POC1A: variants seen among roughly 807,000 people sequenced by gnomAD.
POC1A encodes the protein POC1 centriolar protein A, also known as POC1 centriolar protein homolog A.
Under a neutral mutation model 47.8 loss-of-function variants are expected in POC1A, and 34 were observed. The ratio of observed to expected loss-of-function variants is 0.71; its 90% confidence interval spans 0.54 to 0.95. The LOEUF is 0.95. Among genes scored for constraint, POC1A ranks in the 40% least tolerant of loss-of-function variants. POC1A has a pLI of 0.00. For missense variants in POC1A, 466 were observed against 528.3 expected, an observed-to-expected ratio of 0.88 and a Z score of 1.16; for synonymous variants, 177 against 207.6, an observed-to-expected ratio of 0.85 and a Z score of 1.27.
At chr3:52,116,030 T>TA (rs995397299) in intron 9 of POC1A, among the ~76,000 whole-genome samples, 20 of 152,166 alleles carry the variant, frequency 1.3e-4, no homozygotes, top group Admixed American at 2.6e-4. Context: ...CAAATAATTT[T>TA]AAAAAATCTA....
At position 52,111,652 on chromosome 3, in the gene POC1A, T is replaced by TTA. The variant is rs1367347670; in HGVS notation, c.981+10726_981+10727insTA. 9.9e-3 allele frequency among the ~76,000 whole-genome samples: 938 copies of TTA among 95,200 alleles called. 7 individuals are homozygous for TTA. The highest frequency in any genetic ancestry group is 0.019 in the African/African-American group (532 of 28,072). 62.5% of individuals were successfully genotyped at this position (95,200 alleles called of 152,430 possible). A position where few individuals can be genotyped will look rare whatever the true frequency, so the allele number is the denominator to read the frequency against. On this transcript the variant is annotated intron_variant, in intron 9 of 10. Transcript: ENST00000296484. ...GAATGGCTAGACTCTGTCTCAAAATTAAAAAAAAAAAAAAAAAAAAAAAAG... is the reference window on the plus strand; with the variant it reads ...GAATGGCTAGACTCTGTCTCAAAATTTAAAAAAAAAAAAAAAAAAAAAAAAAG...
intron 5 of POC1A, 47 bp downstream of exon 5, chr3:52,146,939 GCT>G (rs1698383590): frequency 1.4e-6 from 2 of 1,470,996 alleles, no homozygotes; most frequent in Non-Finnish European, 1.9e-6. Context: ...CCAGGTCTGT[GCT>G]CTGTGCTTGA....
At chr3:52,091,319 G>A (rs1483069259) in intron 10 of POC1A, among the ~76,000 whole-genome samples, 3 of 152,198 alleles carry the variant, frequency 2.0e-5, no homozygotes, top group Admixed American at 2.0e-4. Flanking sequence ...AATTCCCATA[G>A]GGGGCTCAAG....
chr3:52,122,065 C>T (rs555802467), intron 9 of POC1A, among the ~76,000 whole-genome samples: 7 of 152,274 alleles, frequency 4.6e-5, no homozygotes, highest in East Asian at 1.9e-4. Context: ...CAGTATGGGA[C>T]GGGTCCCTTG....
intron 9 of POC1A, among the ~76,000 whole-genome samples, chr3:52,098,757 C>T (rs933261164): frequency 6.6e-6 from 1 of 152,226 alleles, no homozygotes; most frequent in Non-Finnish European, 1.5e-5. Flanking sequence ...CAGCACTTAA[C>T]ACTCCACCAG....
At chr3:52,116,178 G>A (rs1289368944) in intron 9 of POC1A, among the ~76,000 whole-genome samples, 2 of 152,114 alleles carry the variant, frequency 1.3e-5, no homozygotes, top group African/African-American at 4.8e-5. Flanking sequence ...AAGCATAAGG[G>A]AAGATCTAGT....
chr3:52,096,522 C>T (rs1244276811), intron 10 of POC1A, 47 bp downstream of exon 10: 4 of 1,476,754 alleles, frequency 2.7e-6, no homozygotes, highest in East Asian at 2.5e-5. Flanking sequence ...AAATGCGGGA[C>T]CAAGTGCAGA....
At chr3:52,094,014 T>A (rs1250530269) in intron 10 of POC1A, among the ~76,000 whole-genome samples, 1 of 152,212 alleles carries the variant, frequency 6.6e-6, no homozygotes, top group Non-Finnish European at 1.5e-5. Flanking sequence ...AAGGATGTTC[T>A]GCAGGATGGA....
chr3:52,094,137 A>G (rs1702730800), intron 10 of POC1A, among the ~76,000 whole-genome samples: 1 of 152,154 alleles, frequency 6.6e-6, no homozygotes, highest in Admixed American at 6.5e-5. Context: ...CACAATTCAC[A>G]TGGATGACTT....
chr3:52,095,371 G>C (rs974349849), intron 10 of POC1A, among the ~76,000 whole-genome samples: 1 of 152,142 alleles, frequency 6.6e-6, no homozygotes, highest in Non-Finnish European at 1.5e-5. Flanking sequence ...GGGCTATGAT[G>C]ACACACCCTG....
rs769973716 is a variant in POC1A, at chr3:52,096,688, G to C, written c.1006C>G (p.Pro336Ala). The C allele has an allele frequency of 8.7e-6, 14 of 1,601,898 alleles. No individual in the cohort carries two copies. In the South Asian group the frequency reaches 1.2e-4, roughly 14 times the overall value. Residue 336 changes from proline (P) to alanine (A), a missense_variant, in exon 10 of 11, where the codon CCA becomes GCA. Coordinates refer to ENST00000296484, the MANE Select transcript of POC1A (RefSeq NM_015426.5). The stretch of plus-strand genomic sequence containing the variant: ...GACTCCACACTCCTGCCTCTGCCTG[G>C]GGGGACAGGGAAGTCCACTTCTGGC... ...NLPEVDFPVP[P>A]GRGRSVESVQ...
chr3:52,096,537 G>T, intron 10 of POC1A, 32 bp downstream of exon 10: 1 of 1,504,922 alleles, frequency 6.6e-7, no homozygotes, highest in Non-Finnish European at 8.9e-7. Flanking sequence ...TGCAGATGAC[G>T]GGATGACGGG....
intron 10 of POC1A, among the ~76,000 whole-genome samples, chr3:52,092,406 G>A (rs1213264843): frequency 6.6e-6 from 1 of 152,220 alleles, no homozygotes; most frequent in Non-Finnish European, 1.5e-5. Context: ...GCCCACAGTG[G>A]TTGAGATCAG....
intron 10 of POC1A, among the ~76,000 whole-genome samples, chr3:52,085,857 T>G (rs1005563188): frequency 6.6e-6 from 1 of 152,222 alleles, no homozygotes; most frequent in East Asian, 1.9e-4. Context: ...TTGCTCTGTC[T>G]GGCTGGGCAC....
At chr3:52,128,486 G>C (rs996844627) in intron 7 of POC1A, among the ~76,000 whole-genome samples, 1 of 152,168 alleles carries the variant, frequency 6.6e-6, no homozygotes, top group Non-Finnish European at 1.5e-5. Flanking sequence ...TTACCAAGAG[G>C]ACCACGCAGC....
At chr3:52,150,079 A>G (rs1470454386) in intron 2 of POC1A, 92 bp from the exon 3 acceptor site, 4 of 1,026,342 alleles carry the variant, frequency 3.9e-6, no homozygotes, top group African/African-American at 1.6e-5. Flanking sequence ...CAACTGGCCC[A>G]GCTCCATCTT....
chr3:52,112,567 C>T lies in POC1A; in HGVS notation c.981+9812G>A, dbSNP rs1208133664. 3.3e-5 allele frequency among the ~76,000 whole-genome samples: 5 copies of T among 152,030 alleles called. No homozygotes were observed. In the East Asian group the frequency reaches 5.8e-4, roughly 18 times the overall value. On this transcript the variant is annotated intron_variant, in intron 9 of 10. Coordinates refer to ENST00000296484, the MANE Select transcript of POC1A (RefSeq NM_015426.5). The stretch of plus-strand genomic sequence containing the variant: ...TGAGACATGAGAATTGTTTGAACTC[C>T]GGAGGCAGAGGTTGCAGTGAGCCGA...
intron 6 of POC1A, among the ~76,000 whole-genome samples, chr3:52,144,577 C>G (rs575060691): frequency 6.6e-6 from 1 of 152,314 alleles, no homozygotes; most frequent in South Asian, 2.1e-4. Flanking sequence ...CCTCCTTCCC[C>G]CCATTTTGTG....
chr3:52,114,066 G>GTTGT (rs1703474190), intron 9 of POC1A, among the ~76,000 whole-genome samples: 1 of 152,200 alleles, frequency 6.6e-6, no homozygotes, highest in Non-Finnish European at 1.5e-5. Flanking sequence ...CAGGAGACAC[G>GTTGT]CCACCTCAGG....
Sources: allele counts gnomAD v4.1 joint callset (sites outside exome capture counted in the v4.1 genomes callset), GRCh38; gene constraint gnomAD v4.1.1; transcripts MANE v1.5; gene names NCBI Gene and HGNC (gene_info 2026-07-23, HGNC 2026-07-21).